FAM53A: variants seen among roughly 807,000 people sequenced by gnomAD.
FAM53A encodes protein FAM53A.
In FAM53A, 28 loss-of-function variants were observed where a neutral mutation model predicts 26.6. The observed-to-expected ratio is 1.05, with a 90% confidence interval of 0.78 to 1.45. The LOEUF (loss-of-function observed/expected upper bound fraction) is 1.45, where lower values mean the gene tolerates loss of function less well. Among genes scored for constraint, FAM53A ranks in the 40% most tolerant of loss-of-function variants. FAM53A has a pLI of 0.00. For synonymous variants in FAM53A, 290 were observed against 253.1 expected, an observed-to-expected ratio of 1.15 and a Z score of -1.38; for missense variants, 650 against 575.8, an observed-to-expected ratio of 1.13 and a Z score of -1.32.
chr4:1,633,904 G>T (rs1307223863), intron 1 of FAM53A, among the ~76,000 whole-genome samples: 1 of 152,110 alleles, frequency 6.6e-6, no homozygotes, highest in African/African-American at 2.4e-5. Context: ...GCATGACTGG[G>T]GGGTCTGGCT....
At chr4:1,583,343 A>T in the FAM53A span, among the ~76,000 whole-genome samples, 24 of 152,360 alleles carry the variant, frequency 1.6e-4, no homozygotes, top group East Asian at 4.6e-3. Flanking sequence ...GAGCGGGACC[A>T]GCAGGAGGCA....
downstream of FAM53A, among the ~76,000 whole-genome samples, chr4:1,635,882 C>T (rs1471023628): frequency 2.4e-5 from 3 of 125,438 alleles, no homozygotes; most frequent in East Asian, 5.0e-4. Context: ...CTTGCTCTGT[C>T]GCCCAGGCTG....
downstream of FAM53A, among the ~76,000 whole-genome samples, chr4:1,638,289 G>C (rs925649323): frequency 2.6e-5 from 4 of 152,050 alleles, no homozygotes; most frequent in Non-Finnish European, 2.9e-5. Flanking sequence ...GAGCTCACTC[G>C]CACACACACG....
chr4:1,662,747 A>G (rs1341724797), intron 2 of FAM53A, among the ~76,000 whole-genome samples: 1 of 152,198 alleles, frequency 6.6e-6, no homozygotes, highest in Non-Finnish European at 1.5e-5. Context: ...ATTTCTCAAA[A>G]GAAGAGATAC....
Position 1,630,187 on chromosome 4 carries a change from C to T in FAM53A, c.432-12076G>A, listed in dbSNP as rs181886132. ...GGTAGGTCATCCCCTTCCAAGCTGT[C>T]GGAGCTGCCCACGAGGCAGGTGCAC... On this transcript the variant is annotated intron_variant, in intron 1 of 1. Coordinates refer to the FAM53A transcript ENST00000489029. This position sits in a 1 kb window ranked among gnomAD's most constrained non-coding sequence, Gnocchi z 4.3. Among the ~76,000 whole-genome samples, 7 of 152,306 alleles carry T rather than the reference C, an allele frequency of 4.6e-5. No individual in the cohort carries two copies. Among genetic ancestry groups the T allele is most frequent in the African/African-American group, 7.2e-5 (3 of 41,568 alleles).
the FAM53A span, among the ~76,000 whole-genome samples, chr4:1,606,843 T>G: frequency 6.6e-6 from 1 of 152,302 alleles, no homozygotes; most frequent in East Asian, 1.9e-4. Flanking sequence ...TGCTTTCCAC[T>G]CCCTTGGGCC....
chr4:1,597,603 G>A, the FAM53A span, among the ~76,000 whole-genome samples: 1 of 152,170 alleles, frequency 6.6e-6, no homozygotes, highest in East Asian at 1.9e-4. Flanking sequence ...CCTGAGAGGG[G>A]AAGTCAAACC....
At chr4:1,628,667 A>G (rs1577089031) in intron 1 of FAM53A, among the ~76,000 whole-genome samples, 2 of 20,398 alleles carry the variant, frequency 9.8e-5, no homozygotes, top group Non-Finnish European at 8.6e-5. Context: ...GCATGGTGGG[A>G]GGGTGGCACG....
At chr4:1,574,377 C>A in the FAM53A span, 3 of 152,564 alleles carry the variant, frequency 2.0e-5, no homozygotes, top group Non-Finnish European at 4.4e-5. Context: ...TGTCTCAGGG[C>A]CGGACTGGTG....
intron 1 of FAM53A, among the ~76,000 whole-genome samples, chr4:1,620,888 C>G (rs1714997134): frequency 1.3e-5 from 2 of 152,076 alleles, no homozygotes. Context: ...GGTGGCCATG[C>G]CAGGCTGGGA....
chr4:1,620,814 C>G (rs1259871836), intron 1 of FAM53A, among the ~76,000 whole-genome samples: 2 of 152,150 alleles, frequency 1.3e-5, no homozygotes, highest in African/African-American at 4.8e-5. Context: ...CACAACACTG[C>G]CATCAACACG....
At chr4:1,660,128 C>G (rs1246553081) in intron 2 of FAM53A, among the ~76,000 whole-genome samples, 2 of 151,844 alleles carry the variant, frequency 1.3e-5, no homozygotes, top group Non-Finnish European at 2.9e-5. Context: ...ACTAAAAATA[C>G]AAAAATTAGC....
At chr4:1,578,442 G>C in the FAM53A span, among the ~76,000 whole-genome samples, 3 of 77,774 alleles carry the variant, frequency 3.9e-5, no homozygotes, top group Non-Finnish European at 6.1e-5. Context: ...GTGTGTAGAA[G>C]GGCGCGAGCG....
At chr4:1,683,837 C>T (rs912402482) in intron 1 of FAM53A, 2 of 152,222 alleles carry the variant, frequency 1.3e-5, no homozygotes, top group African/African-American at 4.8e-5. Flanking sequence ...GCGATTTACA[C>T]CCCCAGGCTA....
intron 1 of FAM53A, among the ~76,000 whole-genome samples, chr4:1,670,946 G>C (rs1371880468): frequency 6.9e-6 from 1 of 144,260 alleles, no homozygotes; most frequent in Non-Finnish European, 1.5e-5. Context: ...CTGTCCCAGC[G>C]TCAGAGCCCC....
At chr4:1,579,241 G>GCCAGAGC in the FAM53A span, among the ~76,000 whole-genome samples, 1 of 116,092 alleles carries the variant, frequency 8.6e-6, no homozygotes, top group African/African-American at 3.5e-5. Context: ...GAGGGTCCCA[G>GCCAGAGC]CCAGAGCCCC....
At chr4:1,637,347 G>C (rs141597537), downstream of FAM53A, among the ~76,000 whole-genome samples, 1 of 152,160 alleles carries the variant, frequency 6.6e-6, no homozygotes, top group African/African-American at 2.4e-5. Flanking sequence ...CAGCCAGGCC[G>C]TCCCCACCTC....
At chr4:1,624,902 A>T (rs1053644521) in intron 1 of FAM53A, among the ~76,000 whole-genome samples, 10 of 150,592 alleles carry the variant, frequency 6.6e-5, no homozygotes, top group African/African-American at 2.5e-4. Flanking sequence ...AGGTGATCAG[A>T]AGCCCCCACG....
intron 4 of FAM53A, chr4:1,644,423 C>T (rs1041238360): frequency 3.7e-5 from 55 of 1,494,412 alleles, no homozygotes; most frequent in South Asian, 5.0e-5. Flanking sequence ...CCCACAGACA[C>T]GGCAGCTGTA....
Sources: allele counts gnomAD v4.1 joint callset (sites outside exome capture counted in the v4.1 genomes callset), GRCh38; gene constraint gnomAD v4.1.1; non-coding constraint Gnocchi (gnomAD v3.1); transcripts MANE v1.5; gene names NCBI Gene and HGNC (gene_info 2026-07-23, HGNC 2026-07-21).